Variants in IL1R1 observed in about 807,000 individuals in gnomAD.
IL1R1 encodes the protein interleukin-1 receptor type 1.
Under a neutral mutation model 50.2 loss-of-function variants are expected in IL1R1, and 22 were observed. That is an observed-to-expected ratio of 0.44 (90% CI 0.31 to 0.63). The LOEUF (loss-of-function observed/expected upper bound fraction) is 0.63, where lower values mean the gene tolerates loss of function less well. Ranked by LOEUF, IL1R1 falls within the 20% of genes least tolerant of loss-of-function variation. IL1R1 has a pLI of 0.07. For missense variants in IL1R1, 509 were observed against 676.2 expected (o/e 0.75, Z 2.74); for synonymous variants, 251 against 236.7 (o/e 1.06, Z -0.55).
At chr2:102,097,962 C>T (rs1300077926) in intron 1 of IL1R1, among the ~76,000 whole-genome samples, 3 of 151,566 alleles carry the variant, frequency 2.0e-5, no homozygotes, top group African/African-American at 7.3e-5. Context: ...CTAGAAAATC[C>T]CAGTATAAGA....
At chr2:102,106,054 CATTCA>C (rs1680392394) in intron 1 of IL1R1, among the ~76,000 whole-genome samples, 1 of 152,160 alleles carries the variant, frequency 6.6e-6, no homozygotes, top group Non-Finnish European at 1.5e-5. Flanking sequence ...TGAAGCTTAT[CATTCA>C]ATTCAATTTA....
intron 1 of IL1R1, among the ~76,000 whole-genome samples, chr2:102,072,144 T>C (rs536508003): frequency 2.4e-4 from 37 of 151,394 alleles, no homozygotes; most frequent in African/African-American, 4.1e-4. Flanking sequence ...CCTGTAATCC[T>C]AGCTACTAGG....
At chr2:102,075,941 T>C (rs1003248917) in intron 1 of IL1R1, among the ~76,000 whole-genome samples, 2 of 152,178 alleles carry the variant, frequency 1.3e-5, no homozygotes, top group Non-Finnish European at 2.9e-5. Flanking sequence ...CTGAAACTTA[T>C]TACAGACTAA....
At chr2:102,086,635 T>A (rs1679442741) in intron 1 of IL1R1, among the ~76,000 whole-genome samples, 1 of 152,126 alleles carries the variant, frequency 6.6e-6, no homozygotes, top group Non-Finnish European at 1.5e-5. Context: ...CTTTCAACTG[T>A]GTAAAAAACT....
intron 11 of IL1R1, chr2:102,176,114 G>T: frequency 2.1e-6 from 1 of 484,122 alleles, no homozygotes; most frequent in Non-Finnish European, 3.6e-6. Flanking sequence ...TTGAGCCTAG[G>T]AGTTTGAGGC....
At chr2:102,101,609 T>C (rs988068297), upstream of IL1R1, among the ~76,000 whole-genome samples, 9 of 152,340 alleles carry the variant, frequency 5.9e-5, no homozygotes, top group African/African-American at 9.6e-5. Flanking sequence ...ACAGCCACAT[T>C]AAAGATATTC....
At chr2:102,129,127 C>A (rs756552669) in intron 1 of IL1R1, among the ~76,000 whole-genome samples, 11 of 152,126 alleles carry the variant, frequency 7.2e-5, no homozygotes, top group Non-Finnish European at 1.2e-4. Context: ...GAGAGGAATA[C>A]TTGAGCCCAG....
intron 1 of IL1R1, among the ~76,000 whole-genome samples, chr2:102,090,572 T>C (rs1263065206): frequency 1.3e-5 from 2 of 152,246 alleles, no homozygotes; most frequent in African/African-American, 4.8e-5. Flanking sequence ...TGGTCTGCTG[T>C]GTTTAATCAG....
At chr2:102,098,025 T>G (rs1406949235) in intron 1 of IL1R1, among the ~76,000 whole-genome samples, 1 of 152,054 alleles carries the variant, frequency 6.6e-6, no homozygotes, top group African/African-American at 2.4e-5. Context: ...GAAATAAAAT[T>G]ATCAGTGTAT....
At chr2:102,123,478 A>G (rs1041735805) in intron 1 of IL1R1, among the ~76,000 whole-genome samples, 72 of 152,314 alleles carry the variant, frequency 4.7e-4, no homozygotes, top group African/African-American at 1.7e-3. Flanking sequence ...TCAAAATAAT[A>G]CTTTGTTTAT....
chr2:102,076,512 TA>T (rs1678968559), intron 1 of IL1R1, among the ~76,000 whole-genome samples: 1 of 152,198 alleles, frequency 6.6e-6, no homozygotes. Context: ...GGTAACAAAT[TA>T]TTTCAGTTTA....
intron 1 of IL1R1, among the ~76,000 whole-genome samples, chr2:102,126,483 T>C (rs946442326): frequency 2.6e-5 from 4 of 152,218 alleles, no homozygotes; most frequent in African/African-American, 9.6e-5. Context: ...GGAAAATTTA[T>C]ACGTATTAAA....
intron 1 of IL1R1, among the ~76,000 whole-genome samples, chr2:102,133,661 A>T (rs997606293): frequency 6.6e-6 from 1 of 152,258 alleles, no homozygotes. Flanking sequence ...AAAGAAAAAC[A>T]ATCATATAAT....
At chr2:102,108,241 T>TG (rs796453974) in intron 1 of IL1R1, among the ~76,000 whole-genome samples, 214 of 34,156 alleles carry the variant, frequency 6.3e-3, no homozygotes, top group Middle Eastern at 0.033. Context: ...TGTGTGTGTG[T>TG]GGGGGGGGGT....
At chr2:102,116,647 T>C (rs113610445) in intron 1 of IL1R1, among the ~76,000 whole-genome samples, 612 of 152,340 alleles carry the variant, frequency 4.0e-3, no homozygotes, top group Non-Finnish European at 6.9e-3. Context: ...AGTCTGATTT[T>C]AAATTGGGTG....
intron 1 of IL1R1, among the ~76,000 whole-genome samples, chr2:102,133,781 C>T (rs1324624384): frequency 3.3e-5 from 5 of 152,122 alleles, no homozygotes; most frequent in African/African-American, 4.8e-5. Flanking sequence ...GGGATGTGTA[C>T]GAAAGGTCTA....
chr2:102,156,315 G>T (rs1684188278), intron 2 of IL1R1: 1 of 152,660 alleles, frequency 6.6e-6, no homozygotes, highest in Non-Finnish European at 1.5e-5. Flanking sequence ...TAAAGGGTCA[G>T]AGTTAAAAGA....
At chr2:102,133,135 T>A (rs1682131571) in intron 1 of IL1R1, among the ~76,000 whole-genome samples, 1 of 149,910 alleles carries the variant, frequency 6.7e-6, no homozygotes, top group Non-Finnish European at 1.5e-5. Flanking sequence ...TCCCAGCTAC[T>A]AGGGAGGCTG....
chr2:102,153,591 TA>T lies in IL1R1; in HGVS notation c.-83-349del, dbSNP rs369476117. 2.6e-3 allele frequency among the ~76,000 whole-genome samples: 400 copies of T among 152,272 alleles called. 3 individuals carry two copies. Among genetic ancestry groups the T allele is most frequent in the African/African-American group, 9.1e-3 (380 of 41,554 alleles). On this transcript the variant is annotated intron_variant, in intron 1 of 11. Transcript: ENST00000410023. Reference sequence around the variant, plus strand: ...AGGGAGGGATCTGGTGGGAGGTGATTAGATCATGGGGGCAGTTTTTCCTATG... The same window carrying T: ...AGGGAGGGATCTGGTGGGAGGTGATTGATCATGGGGGCAGTTTTTCCTATG...
Sources: allele counts gnomAD v4.1 joint callset (sites outside exome capture counted in the v4.1 genomes callset), GRCh38; gene constraint gnomAD v4.1.1; transcripts MANE v1.5; gene names NCBI Gene and HGNC (gene_info 2026-07-23, HGNC 2026-07-21).